The following CGNL1 variants were observed in gnomAD, a reference collection of about 807,000 sequenced individuals.
The protein encoded by CGNL1 is cingulin like 1, also known as cingulin-like protein 1.
In CGNL1, 132 loss-of-function variants were observed where a neutral mutation model predicts 141.2. The observed-to-expected ratio is 0.93, with a 90% CI of 0.81 to 1.08. The LOEUF is 1.08. CGNL1 is among the 50% of genes least tolerant of loss of function. CGNL1 has a pLI of 0.00. For missense variants in CGNL1, 1,870 were observed against 1,588.6 expected, an observed-to-expected ratio of 1.18 and a Z score of -3.01; for synonymous variants, 690 against 622.1, an observed-to-expected ratio of 1.11 and a Z score of -1.63.
intron 1 of CGNL1, chr15:57,406,101 A>T (rs1459129762): frequency 1.3e-5 from 2 of 152,406 alleles, no homozygotes; most frequent in East Asian, 3.9e-4. Flanking sequence ...GCTAAGAGGA[A>T]GTATGGCCAG....
chr15:57,406,756 GA>G (rs1156948433), intron 1 of CGNL1, among the ~76,000 whole-genome samples: 1 of 152,196 alleles, frequency 6.6e-6, no homozygotes, highest in East Asian at 1.9e-4. Context: ...TGCAAATCCA[GA>G]AAATTTGTAG....
intron 1 of CGNL1, among the ~76,000 whole-genome samples, chr15:57,430,701 A>G (rs1032629672): frequency 3.3e-5 from 5 of 152,096 alleles, no homozygotes; most frequent in African/African-American, 1.2e-4. Flanking sequence ...TGTGGATCAG[A>G]TGAGTTGAGT....
At chr15:57,404,609 G>A (rs1397814504) in intron 1 of CGNL1, among the ~76,000 whole-genome samples, 4 of 152,136 alleles carry the variant, frequency 2.6e-5, no homozygotes, top group African/African-American at 9.7e-5. Context: ...TTCCCAGAGA[G>A]CCCTGAGGCA....
chr15:57,425,706 A>C (rs1456274530), intron 1 of CGNL1, among the ~76,000 whole-genome samples: 8 of 146,626 alleles, frequency 5.5e-5, no homozygotes, highest in African/African-American at 2.0e-4. Context: ...GTGCCACTGC[A>C]CTCTAGCCTG....
At chr15:57,488,623 A>T (rs1283544131) in intron 8 of CGNL1, among the ~76,000 whole-genome samples, 1 of 152,154 alleles carries the variant, frequency 6.6e-6, no homozygotes, top group Non-Finnish European at 1.5e-5. Context: ...CCAAGGGTAC[A>T]CTGGTCCCTT....
intron 1 of CGNL1, among the ~76,000 whole-genome samples, chr15:57,426,762 A>AG (rs2062980266): frequency 6.6e-6 from 1 of 152,078 alleles, no homozygotes; most frequent in African/African-American, 2.4e-5. Flanking sequence ...ACTGGCCAGG[A>AG]GACACATTCA....
At chr15:57,444,352 G>A (rs2063226514) in intron 4 of CGNL1, among the ~76,000 whole-genome samples, 1 of 152,052 alleles carries the variant, frequency 6.6e-6, no homozygotes, top group Non-Finnish European at 1.5e-5. Flanking sequence ...TTTCTGGTTT[G>A]GGGCTATTAG....
intron 8 of CGNL1, among the ~76,000 whole-genome samples, chr15:57,502,279 G>A (rs989341456): frequency 6.6e-6 from 1 of 152,182 alleles, no homozygotes; most frequent in African/African-American, 2.4e-5. Flanking sequence ...TTGTAGGAAT[G>A]CAGACATCAG....
In CGNL1 at chr15:57,451,565, G is replaced by T; in HGVS notation, c.1869G>T (p.Val623=). Reference sequence around the variant, plus strand: ...AGAAAAGCAAGTTGACCATAGAAGTGGCTGAACTTCAGAGACAGCTTCAAC... The same window carrying T: ...AGAAAAGCAAGTTGACCATAGAAGTTGCTGAACTTCAGAGACAGCTTCAAC... ...LEQKSKLTIE[V]AELQRQLQLE... The change falls in exon 5 of 19, where the codon GTG becomes GTT. Residue 623 remains valine, a synonymous_variant. Transcript: ENST00000281282. 1 of 1,611,374 alleles carries T rather than the reference G, an allele frequency of 6.2e-7. No individual in the cohort carries two copies. The highest frequency in any genetic ancestry group is 8.5e-7 in the Non-Finnish European group (1 of 1,178,546).
At chr15:57,379,856 G>A (rs1394001123) in intron 1 of CGNL1, among the ~76,000 whole-genome samples, 2 of 152,134 alleles carry the variant, frequency 1.3e-5, no homozygotes, top group Non-Finnish European at 2.9e-5. Context: ...GGTGGGGGAT[G>A]GAAATAGCAC....
chr15:57,437,463 T>C (rs778096488), intron 1 of CGNL1, among the ~76,000 whole-genome samples: 2 of 151,602 alleles, frequency 1.3e-5, no homozygotes, highest in Non-Finnish European at 2.9e-5. Flanking sequence ...GAGAGGAAAA[T>C]GAACTGCAGA....
At chr15:57,434,524 G>C (rs1454726511) in intron 1 of CGNL1, among the ~76,000 whole-genome samples, 3 of 152,102 alleles carry the variant, frequency 2.0e-5, no homozygotes, top group Non-Finnish European at 1.5e-5. Flanking sequence ...TATATTATGT[G>C]CTCATGTTTT....
intron 8 of CGNL1, among the ~76,000 whole-genome samples, chr15:57,507,883 C>CA (rs1338683687): frequency 1.3e-5 from 2 of 152,136 alleles, no homozygotes; most frequent in African/African-American, 4.8e-5. Context: ...TAGAGCTGGC[C>CA]AGGACATTGA....
chr15:57,397,133 G>A (rs1210884900), intron 1 of CGNL1: 8 of 152,196 alleles, frequency 5.3e-5, no homozygotes, highest in African/African-American at 1.9e-4. Flanking sequence ...GGCTGGGGGG[G>A]ATGAAAATAG....
At chr15:57,408,197 C>T (rs918174553) in intron 1 of CGNL1, among the ~76,000 whole-genome samples, 120 of 152,042 alleles carry the variant, frequency 7.9e-4, no homozygotes, top group African/African-American at 2.7e-3. Flanking sequence ...GTCTATCCCA[C>T]GAAGCCATTT....
chr15:57,495,534 G>A (rs1410657798), intron 8 of CGNL1, among the ~76,000 whole-genome samples: 1 of 152,082 alleles, frequency 6.6e-6, no homozygotes, highest in African/African-American at 2.4e-5. Context: ...TTGCCCCTTT[G>A]ACCTAGGAAC....
chr15:57,454,980 T>G (rs1262796954), intron 7 of CGNL1, among the ~76,000 whole-genome samples: 1 of 152,196 alleles, frequency 6.6e-6, no homozygotes, highest in South Asian at 2.1e-4. Context: ...TCTGTTTGCC[T>G]CCCTATCTAT....
rs1439150927 is a variant in CGNL1, at chr15:57,516,892, A to G, written c.2516A>G (p.Glu839Gly). ...AATGAGAAGCTGCAGGGAAGAAGCG[A>G]AGAGCTGGAGCGGAGAGTTGCTCAG... Reference protein sequence around the residue: ...EENEKLQGRSEELERRVAQLQ... With the variant: ...EENEKLQGRSGELERRVAQLQ... Residue 839 changes from glutamate to glycine, a missense_variant, in exon 9 of 19, where the codon GAA becomes GGA. Glu to Gly is a moderately conservative substitution (Grantham distance 98). Transcript: ENST00000281282. 1 of 1,614,158 alleles carries G rather than the reference A, an allele frequency of 6.2e-7. No individual in the cohort carries two copies. The highest frequency in any genetic ancestry group is 8.5e-7 in the Non-Finnish European group (1 of 1,180,032).
At chr15:57,413,882 A>G (rs566385854) in intron 1 of CGNL1, among the ~76,000 whole-genome samples, 1 of 152,244 alleles carries the variant, frequency 6.6e-6, no homozygotes, top group Non-Finnish European at 1.5e-5. Context: ...TTTTACAGGG[A>G]ACATTCTGTG....
Sources: gnomAD v4.1 joint callset for allele counts (sites outside exome capture counted in the v4.1 genomes callset) on GRCh38, gnomAD v4.1.1 for gene constraint, MANE v1.5 for transcripts, NCBI Gene and HGNC (gene_info 2026-07-23, HGNC 2026-07-21) for gene names.